The following CDH23 variants were observed in gnomAD, a reference collection of about 807,000 sequenced individuals.
CDH23 encodes the protein cadherin-23.
A neutral mutation model predicts 317.1 loss-of-function variants in CDH23; 189 were observed. The observed-to-expected ratio is 0.60, with a 90% confidence interval of 0.53 to 0.67. CDH23 has a LOEUF of 0.67. CDH23 is among the 30% of genes least tolerant of loss of function. CDH23 has a pLI of 0.00. For synonymous variants in CDH23, 1,839 were observed against 1,876.8 expected, an observed-to-expected ratio of 0.98 and a Z score of 0.52; for missense variants, 4,401 against 4,592.4, an observed-to-expected ratio of 0.96 and a Z score of 1.20.
intron 28 of CDH23, among the ~76,000 whole-genome samples, chr10:71,720,053 G>A (rs927915827): frequency 5.3e-5 from 8 of 152,324 alleles, no homozygotes; most frequent in African/African-American, 1.7e-4. Flanking sequence ...TTCCCCTGTC[G>A]GAAGTTTGAA....
At chr10:71,777,182 T>C (rs1319377536) in intron 38 of CDH23, among the ~76,000 whole-genome samples, 4 of 152,268 alleles carry the variant, frequency 2.6e-5, no homozygotes, top group Non-Finnish European at 5.9e-5. Flanking sequence ...AAAATATGTA[T>C]TTCTTTCATT....
chr10:71,773,813 C>T (rs1210930722), intron 38 of CDH23, among the ~76,000 whole-genome samples: 1 of 152,162 alleles, frequency 6.6e-6, no homozygotes, highest in East Asian at 1.9e-4. Context: ...GCGTGATAGA[C>T]GTTACCATGG....
In CDH23 at chr10:71,484,465, C is replaced by A. The variant is rs1433549494; in HGVS notation, c.146-25617C>A. On this transcript the variant is annotated intron_variant, in intron 3 of 69. Transcript: ENST00000224721. ...TTCCAGACTCAGAGGAGCTGGGCAG[C>A]ACAGGACAGGCTGGCTGCTGGGGAG... Among the ~76,000 whole-genome samples the A allele has an allele frequency of 3.9e-5, 6 of 152,282 alleles. No individual in the cohort carries two copies. The East Asian group carries it at 9.6e-4, about 24-fold the overall frequency.
rs750201320 is a variant in CDH23 at position 71,577,921 on chromosome 10, C to T, written c.761C>T (p.Thr254Met). ...NIYEHSPPGT[T>M]VRIITAIDQD... ...CTCCTCTCTTCTGCCCAGGGCACGACGGTGCGCATCATCACCGCCATAGAC... is the reference window on the plus strand; with the variant it reads ...CTCCTCTCTTCTGCCCAGGGCACGATGGTGCGCATCATCACCGCCATAGAC... Residue 254 changes from threonine (T) to methionine (M), a missense_variant, in exon 9 of 70, where the codon ACG becomes ATG. Thr to Met is a moderately conservative substitution (Grantham distance 81, BLOSUM62 -1). This residue lies in a region of CDH23 where 3,068 missense variants were observed against 3,203.3 expected (regional missense o/e 0.96). Transcript: ENST00000224721. The T allele has an allele frequency of 1.8e-5, 29 of 1,597,636 alleles. No homozygotes were observed. In the South Asian group the frequency reaches 2.0e-4, roughly 11 times the overall value.
chr10:71,680,134 G>T (rs1359776471), intron 17 of CDH23, among the ~76,000 whole-genome samples: 7 of 152,212 alleles, frequency 4.6e-5, no homozygotes, highest in Non-Finnish European at 1.0e-4. Context: ...CCAGAGTCCA[G>T]CCTCTTTGAA....
rs1445476628 is a variant in CDH23 at position 71,811,706 on chromosome 10, T to C, written c.9279-7T>C. 2 of 1,608,750 alleles carry C rather than the reference T, an allele frequency of 1.2e-6. No homozygotes were observed. The highest frequency in any genetic ancestry group is 1.7e-6 in the Non-Finnish European group (2 of 1,177,552). On this transcript the variant is annotated splice_polypyrimidine_tract_variant and splice_region_variant and intron_variant, in intron 64 of 69. Coordinates refer to ENST00000224721, the MANE Select transcript of CDH23 (RefSeq NM_022124.6). The stretch of plus-strand genomic sequence containing the variant: ...CCCCTCACCAGCCCCTCTCTGCTTC[T>C]CTCCAGACACAAGAGGAAGCTCAAG...
At chr10:71,675,903 C>CTTTT (rs66656163) in intron 15 of CDH23, among the ~76,000 whole-genome samples, 1,245 of 120,808 alleles carry the variant, frequency 0.01, 39 homozygotes, top group Non-Finnish European at 0.015. Context: ...AGCCCTCTAA[C>CTTTT]TTTTTTTTTT....
At chr10:71,776,945 C>T (rs898670326) in intron 38 of CDH23, among the ~76,000 whole-genome samples, 3 of 152,204 alleles carry the variant, frequency 2.0e-5, no homozygotes, top group African/African-American at 7.2e-5. Context: ...GGAGCAAGAA[C>T]CATTTCTAGT....
At chr10:71,755,548 G>A in intron 38 of CDH23, 1 of 1,345,332 alleles carries the variant, frequency 7.4e-7, no homozygotes, top group East Asian at 2.5e-5. Context: ...AGAGAGGGAA[G>A]GCCAGGAAGC....
chr10:71,467,480 C>T (rs1390370104), intron 3 of CDH23, among the ~76,000 whole-genome samples: 1 of 152,168 alleles, frequency 6.6e-6, no homozygotes, highest in Non-Finnish European at 1.5e-5. Flanking sequence ...ACTACTGATG[C>T]ACACCTCTGA....
intron 1 of CDH23, among the ~76,000 whole-genome samples, chr10:71,426,415 CAGCCTCTGTG>C (rs1182386779): frequency 6.6e-6 from 1 of 152,200 alleles, no homozygotes; most frequent in Non-Finnish European, 1.5e-5. Flanking sequence ...ACAGGGAAGG[CAGCCTCTGTG>C]AGCCTTGTTT....
At chr10:71,533,052 G>T (rs975499699) in intron 6 of CDH23, among the ~76,000 whole-genome samples, 1 of 152,162 alleles carries the variant, frequency 6.6e-6, no homozygotes, top group Non-Finnish European at 1.5e-5. Flanking sequence ...AATTGTCTGT[G>T]TGTGCCCAGC....
chr10:71,531,684 G>A (rs1475483559), intron 6 of CDH23, among the ~76,000 whole-genome samples: 1 of 152,082 alleles, frequency 6.6e-6, no homozygotes, highest in Non-Finnish European at 1.5e-5. Flanking sequence ...GAGCCTCCAT[G>A]GCCCATCACT....
intron 22 of CDH23, among the ~76,000 whole-genome samples, chr10:71,698,254 T>G (rs574764186): frequency 6.6e-6 from 1 of 152,266 alleles, no homozygotes; most frequent in Admixed American, 6.5e-5. Flanking sequence ...TTATAAAAAT[T>G]ATTTCCAATT....
intron 41 of CDH23, among the ~76,000 whole-genome samples, chr10:71,782,825 C>A (rs1354047462): frequency 2.6e-5 from 4 of 152,224 alleles, no homozygotes; most frequent in African/African-American, 4.8e-5. Context: ...GCAGCTTCCA[C>A]CCCCCAGGCA....
At chr10:71,480,775 G>A (rs1404594814) in intron 3 of CDH23, among the ~76,000 whole-genome samples, 1 of 152,036 alleles carries the variant, frequency 6.6e-6, no homozygotes, top group Non-Finnish European at 1.5e-5. Context: ...GGGGGCGGCT[G>A]TGTGGTCTCG....
intron 3 of CDH23, among the ~76,000 whole-genome samples, chr10:71,449,900 C>A (rs1850349522): frequency 6.6e-6 from 1 of 152,252 alleles, no homozygotes; most frequent in South Asian, 2.1e-4. Context: ...CTATCTCAGG[C>A]TCCAGTTCCC....
intron 3 of CDH23, among the ~76,000 whole-genome samples, chr10:71,459,074 C>G (rs1183176130): frequency 1.3e-5 from 2 of 148,154 alleles, no homozygotes; most frequent in Non-Finnish European, 3.0e-5. Context: ...GTGTGAGCCA[C>G]CACACCTGGC....
intron 6 of CDH23, among the ~76,000 whole-genome samples, chr10:71,531,659 C>T (rs754139787): frequency 5.9e-5 from 9 of 152,140 alleles, no homozygotes; most frequent in East Asian, 1.9e-4. Flanking sequence ...GCTGAGGTAG[C>T]GGCTGAGGAC....
Sources: gnomAD v4.1 joint callset for allele counts (sites outside exome capture counted in the v4.1 genomes callset) on GRCh38, gnomAD v4.1.1 for gene constraint, gnomAD v4.1.1 regional missense constraint, MANE v1.5 for transcripts, NCBI Gene and HGNC (gene_info 2026-07-23, HGNC 2026-07-21) for gene names.